MLLT3: variants seen among roughly 807,000 people sequenced by gnomAD.
The protein encoded by MLLT3 is protein AF-9.
Under a neutral mutation model 53.2 loss-of-function variants are expected in MLLT3, and 4 were observed. The observed-to-expected ratio is 0.08, with a 90% confidence interval of 0.04 to 0.17. The LOEUF (loss-of-function observed/expected upper bound fraction) is 0.17. Among genes scored for constraint, MLLT3 ranks in the 10% least tolerant of loss-of-function variants. MLLT3 has a pLI of 1.00. For missense variants in MLLT3, 569 were observed against 684.0 expected, an observed-to-expected ratio of 0.83 and a Z score of 1.87; for synonymous variants, 283 against 230.6, an observed-to-expected ratio of 1.23 and a Z score of -2.06.
intron 2 of MLLT3, among the ~76,000 whole-genome samples, chr9:20,618,495 C>T (rs1055114119): frequency 1.3e-5 from 2 of 152,132 alleles, no homozygotes; most frequent in East Asian, 1.9e-4. Context: ...TGGCACTTTT[C>T]CCAGGACTTG....
At position 20,456,936 on chromosome 9, in the gene MLLT3, C is replaced by T. The variant is rs374963190; in HGVS notation, c.194-150G>A. 3.4e-5 allele frequency: 20 copies of T among 588,354 alleles called. No homozygotes were observed. The South Asian group carries it at 4.0e-4, about 12-fold the overall frequency. 36.4% of individuals were successfully genotyped at this position (588,354 alleles called of 1,614,324 possible). ...CTCCCAGTTGAGTCTCCGATCTATC[C>T]TTTATTTCTTCTCCAGAAACTATAA... On this transcript the variant is annotated intron_variant, in intron 2 of 10. Coordinates refer to ENST00000380338, the MANE Select transcript of MLLT3 (RefSeq NM_004529.4).
intron 8 of MLLT3, among the ~76,000 whole-genome samples, chr9:20,358,438 T>C (rs1362176476): frequency 6.6e-6 from 1 of 152,224 alleles, no homozygotes; most frequent in African/African-American, 2.4e-5. Context: ...ACTTGCCAAA[T>C]AAACACGCCA....
chr9:20,451,381 T>C (rs986022379), intron 3 of MLLT3, among the ~76,000 whole-genome samples: 1 of 152,200 alleles, frequency 6.6e-6, no homozygotes, highest in Admixed American at 6.6e-5. Context: ...TACACATTAA[T>C]TACCAGCATA....
intron 2 of MLLT3, among the ~76,000 whole-genome samples, chr9:20,466,679 T>C (rs953680013): frequency 8.5e-5 from 13 of 152,214 alleles, no homozygotes; most frequent in African/African-American, 2.9e-4. Flanking sequence ...GATTATCAAA[T>C]GTGGTACTAA....
intron 2 of MLLT3, among the ~76,000 whole-genome samples, chr9:20,547,381 C>T (rs1461694988): frequency 2.6e-5 from 4 of 151,850 alleles, no homozygotes; most frequent in Admixed American, 6.5e-5. Context: ...TGGTGGCTCA[C>T]GCCTGTAATC....
chr9:20,465,843 C>G (rs1824225399), intron 2 of MLLT3, among the ~76,000 whole-genome samples: 1 of 152,100 alleles, frequency 6.6e-6, no homozygotes, highest in Admixed American at 6.6e-5. Flanking sequence ...AAAACAAAGA[C>G]TGAATGAGGG....
At chr9:20,441,725 T>A (rs1823560152) in intron 4 of MLLT3, among the ~76,000 whole-genome samples, 1 of 152,132 alleles carries the variant, frequency 6.6e-6, no homozygotes, top group Non-Finnish European at 1.5e-5. Context: ...AAGGTACTTA[T>A]TCCAAAACAA....
In MLLT3 at chr9:20,343,155, G is replaced by A. The variant is rs450608; in HGVS notation, c.*3288C>T. On this transcript the variant is annotated 3_prime_UTR_variant, in exon 11 of 11. Coordinates refer to ENST00000380338, the MANE Select transcript of MLLT3 (RefSeq NM_004529.4). ...AATTGTTTCTTCTCTTTTTTTTAAAGATTAGGTGGGCCTGTAAAAGATATC... is the reference window on the plus strand; with the variant it reads ...AATTGTTTCTTCTCTTTTTTTTAAAAATTAGGTGGGCCTGTAAAAGATATC... 1 of 106,714 alleles carries A rather than the reference G, an allele frequency of 9.4e-6. No homozygotes were observed. Among genetic ancestry groups the A allele is most frequent in the Non-Finnish European group, 1.7e-5 (1 of 58,938 alleles). 6.6% of individuals were successfully genotyped at this position (106,714 alleles called of 1,614,324 possible).
chr9:20,395,342 T>C (rs535972048), intron 5 of MLLT3, among the ~76,000 whole-genome samples: 4 of 152,170 alleles, frequency 2.6e-5, no homozygotes, highest in African/African-American at 7.2e-5. Context: ...TTTGGCTTCA[T>C]GCCCTGGCAG....
At chr9:20,563,329 G>A (rs562693608) in intron 2 of MLLT3, among the ~76,000 whole-genome samples, 19 of 151,852 alleles carry the variant, frequency 1.3e-4, no homozygotes, top group Middle Eastern at 3.4e-3. Context: ...TATAACAGGT[G>A]AACTAAGAAT....
chr9:20,575,033 C>A (rs1819619963), intron 2 of MLLT3, among the ~76,000 whole-genome samples: 1 of 152,210 alleles, frequency 6.6e-6, no homozygotes, highest in African/African-American at 2.4e-5. Context: ...AACTCCTCAT[C>A]TGTTCAAATT....
At chr9:20,602,334 T>C (rs759170540) in intron 2 of MLLT3, among the ~76,000 whole-genome samples, 2 of 152,154 alleles carry the variant, frequency 1.3e-5, no homozygotes, top group East Asian at 3.8e-4. Flanking sequence ...TAAATAACTA[T>C]ACAGCATAGT....
chr9:20,575,616 C>G (rs748647435), intron 2 of MLLT3, among the ~76,000 whole-genome samples: 1 of 152,118 alleles, frequency 6.6e-6, no homozygotes, highest in Non-Finnish European at 1.5e-5. Flanking sequence ...GTATCTCCAT[C>G]GAGCTCTTGG....
intron 2 of MLLT3, among the ~76,000 whole-genome samples, chr9:20,556,334 G>A (rs1052869852): frequency 6.6e-6 from 1 of 152,020 alleles, no homozygotes; most frequent in Non-Finnish European, 1.5e-5. Context: ...ACATAAGTAT[G>A]ACATGATAAT....
At chr9:20,346,784 C>A (rs187064944) in intron 10 of MLLT3, among the ~76,000 whole-genome samples, 21 of 152,176 alleles carry the variant, frequency 1.4e-4, no homozygotes, top group Admixed American at 7.2e-4. Flanking sequence ...CCAGTGAGAA[C>A]CTGTCTTGCT....
intron 2 of MLLT3, among the ~76,000 whole-genome samples, chr9:20,534,006 G>A (rs1368973985): frequency 6.6e-6 from 1 of 152,100 alleles, no homozygotes; most frequent in African/African-American, 2.4e-5. Context: ...ATTTGTGGTA[G>A]TCATGGCACA....
intron 2 of MLLT3, among the ~76,000 whole-genome samples, chr9:20,508,265 C>T (rs1042651072): frequency 3.9e-5 from 6 of 152,168 alleles, no homozygotes; most frequent in African/African-American, 1.4e-4. Context: ...TACCTCTCAC[C>T]CCACATTCCG....
At chr9:20,424,357 C>T (rs1459732089) in intron 4 of MLLT3, among the ~76,000 whole-genome samples, 1 of 152,106 alleles carries the variant, frequency 6.6e-6, no homozygotes, top group African/African-American at 2.4e-5. Context: ...TCCTATAATG[C>T]CCTGGCAGAG....
chr9:20,586,303 G>A (rs557773815), intron 2 of MLLT3, among the ~76,000 whole-genome samples: 2 of 150,628 alleles, frequency 1.3e-5, no homozygotes, highest in African/African-American at 2.4e-5. Context: ...CTGGGTGACA[G>A]AGCAAGACCC....
Sources: gnomAD v4.1 joint callset for allele counts (sites outside exome capture counted in the v4.1 genomes callset) on GRCh38, gnomAD v4.1.1 for gene constraint, MANE v1.5 for transcripts, NCBI Gene and HGNC (gene_info 2026-07-23, HGNC 2026-07-21) for gene names.